TUBGCP3: variants seen among roughly 807,000 people sequenced by gnomAD.
The protein encoded by TUBGCP3 is gamma-tubulin complex component 3.
In TUBGCP3, 50 loss-of-function variants were observed where a neutral mutation model predicts 123.1. That is an observed-to-expected ratio of 0.41 (90% CI 0.32 to 0.51). TUBGCP3 has a LOEUF of 0.51. Among genes scored for constraint, TUBGCP3 ranks in the 20% least tolerant of loss-of-function variants. TUBGCP3 has a pLI of 0.36. For synonymous variants in TUBGCP3, 405 were observed against 413.9 expected, an observed-to-expected ratio of 0.98 and a Z score of 0.26; for missense variants, 882 against 1,127.0, an observed-to-expected ratio of 0.78 and a Z score of 3.11.
intron 21 of TUBGCP3, among the ~76,000 whole-genome samples, chr13:112,487,053 A>ATGTG (rs10522089): frequency 0.065 from 9,529 of 147,388 alleles, 531 homozygotes; most frequent in African/African-American, 0.15. Context: ...AACACTGTGT[A>ATGTG]TGTGTGTGTG....
chr13:112,588,999 CAA>C (rs1428307496), upstream of TUBGCP3, among the ~76,000 whole-genome samples: 2 of 152,298 alleles, frequency 1.3e-5, no homozygotes, highest in South Asian at 4.1e-4. Flanking sequence ...AACATGGAGA[CAA>C]AGCAGACTTG....
chr13:112,498,783 T>C, intron 20 of TUBGCP3: 1 of 1,545,690 alleles, frequency 6.5e-7, no homozygotes, highest in Non-Finnish European at 8.7e-7. Context: ...CACTCAGTAA[T>C]GAAAACGGGC....
rs113666463 is a variant in TUBGCP3, at chr13:112,525,723, G to C, written c.1555+1219C>G. 9.3e-3 allele frequency among the ~76,000 whole-genome samples: 1,416 copies of C among 152,266 alleles called. 22 individuals are homozygous for C. Among genetic ancestry groups the C allele is most frequent in the African/African-American group, 0.032 (1,331 of 41,536 alleles). On this transcript the variant is annotated intron_variant, in intron 13 of 21. Transcript: ENST00000261965. The stretch of plus-strand genomic sequence containing the variant: ...TGAACGCTCATGCGACATTCTGAAT[G>C]CAATAAACACAATAAGTGCAATAAG...
intron 17 of TUBGCP3, among the ~76,000 whole-genome samples, chr13:112,513,629 T>C (rs1881821519): frequency 6.6e-6 from 1 of 152,242 alleles, no homozygotes. Flanking sequence ...TGCTTCAGAT[T>C]TATCATTAGC....
At chr13:112,598,607 C>T in the TUBGCP3 span, among the ~76,000 whole-genome samples, 1 of 152,074 alleles carries the variant, frequency 6.6e-6, no homozygotes, top group Admixed American at 6.6e-5. Context: ...CTAGGGAAAC[C>T]ATTAAGTGAA....
At position 112,524,116 on chromosome 13, in the gene TUBGCP3, C is replaced by A. The variant is rs1876850188; in HGVS notation, c.1556-1607G>T. On this transcript the variant is annotated intron_variant, in intron 13 of 21. Transcript: ENST00000261965. This position sits in a 1 kb window ranked among gnomAD's most constrained non-coding sequence, Gnocchi z 4.4. ...ACGACCCCCACAGACACCAAAATTC[C>A]CTGATGCTCAAGTCTCTTCTACAAA... Among the ~76,000 whole-genome samples, 1 of 152,160 alleles carries A rather than the reference C, an allele frequency of 6.6e-6. No homozygotes were observed. The highest frequency in any genetic ancestry group is 2.4e-5 in the African/African-American group (1 of 41,428).
intron 11 of TUBGCP3, among the ~76,000 whole-genome samples, chr13:112,540,737 C>T (rs911610713): frequency 6.6e-6 from 1 of 152,158 alleles, no homozygotes; most frequent in Admixed American, 6.5e-5. Flanking sequence ...TTCAGGTGGT[C>T]TTGGGAAAGG....
At chr13:112,569,036 C>T in intron 2 of TUBGCP3, 116 bp downstream of exon 2, 1 of 839,596 alleles carries the variant, frequency 1.2e-6, no homozygotes. Flanking sequence ...TATTTTGTAC[C>T]AATATTAAAA....
chr13:112,512,738 A>G (rs1027614250), intron 17 of TUBGCP3, among the ~76,000 whole-genome samples: 3 of 152,204 alleles, frequency 2.0e-5, no homozygotes, highest in Non-Finnish European at 4.4e-5. Context: ...CCATCTCAAA[A>G]AAAAGGTAAA....
chr13:112,558,438 C>T, intron 4 of TUBGCP3, 25 bp from the exon 5 acceptor site: 1 of 1,508,322 alleles, frequency 6.6e-7, no homozygotes, highest in Non-Finnish European at 8.9e-7. Context: ...ACACTAAGAG[C>T]AGAGACAGGA....
intron 18 of TUBGCP3, 75 bp downstream of exon 18, chr13:112,504,523 CATATATATACACACATACATACACATAT>C: frequency 1.3e-6 from 1 of 767,306 alleles, no homozygotes; most frequent in African/African-American, 2.0e-5. Flanking sequence ...TATATATACA[CATATATATACACACATACATACACATAT>C]ATATATATAT....
intron 13 of TUBGCP3, among the ~76,000 whole-genome samples, chr13:112,523,706 C>T (rs1186610497): frequency 2.0e-5 from 3 of 152,264 alleles, no homozygotes; most frequent in Admixed American, 2.0e-4. Context: ...CAGTCTTAGC[C>T]CAAAGCAGCC....
At chr13:112,552,159 T>C (rs1879643555) in intron 8 of TUBGCP3, among the ~76,000 whole-genome samples, 1 of 152,204 alleles carries the variant, frequency 6.6e-6, no homozygotes, top group Non-Finnish European at 1.5e-5. Context: ...ACCCCTGCTA[T>C]AAAACATAAT....
intron 21 of TUBGCP3, among the ~76,000 whole-genome samples, chr13:112,487,067 G>GTA (rs1365035067): frequency 1.4e-5 from 2 of 144,748 alleles, no homozygotes; most frequent in African/African-American, 2.6e-5. Flanking sequence ...GTGTGTGTGT[G>GTA]TGTGTGTGTG....
intron 20 of TUBGCP3, among the ~76,000 whole-genome samples, chr13:112,497,786 G>T (rs534151863): frequency 6.6e-6 from 1 of 152,186 alleles, no homozygotes; most frequent in Non-Finnish European, 1.5e-5. Flanking sequence ...TAAGTATTGT[G>T]TATCTAACAT....
At chr13:112,587,379 G>A (rs1030100145) in intron 1 of TUBGCP3, 7 of 152,770 alleles carry the variant, frequency 4.6e-5, no homozygotes, top group South Asian at 2.0e-4. Flanking sequence ...TAATACTCAA[G>A]CCTGTTAAAC....
intron 19 of TUBGCP3, among the ~76,000 whole-genome samples, chr13:112,502,185 C>T (rs942748709): frequency 4.6e-5 from 7 of 152,198 alleles, no homozygotes; most frequent in Non-Finnish European, 8.8e-5. Context: ...ACAATTCTTA[C>T]AAATCTGTTG....
At chr13:112,509,736 A>G (rs547818126) in intron 17 of TUBGCP3, among the ~76,000 whole-genome samples, 1 of 152,204 alleles carries the variant, frequency 6.6e-6, no homozygotes, top group Non-Finnish European at 1.5e-5. Flanking sequence ...TCCACATGAC[A>G]GAAGTCTGAA....
intron 5 of TUBGCP3, among the ~76,000 whole-genome samples, chr13:112,557,312 A>G (rs115173823): frequency 1.5e-3 from 229 of 152,366 alleles, no homozygotes; most frequent in African/African-American, 5.3e-3. Flanking sequence ...TTTTCTTCAT[A>G]GAACACTAGA....
Sources: gnomAD v4.1 joint callset for allele counts (sites outside exome capture counted in the v4.1 genomes callset) on GRCh38, gnomAD v4.1.1 for gene constraint, Gnocchi (gnomAD v3.1) non-coding constraint, MANE v1.5 for transcripts, NCBI Gene and HGNC (gene_info 2026-07-23, HGNC 2026-07-21) for gene names.